TNPO1: variants seen among roughly 807,000 people sequenced by gnomAD.
The protein encoded by TNPO1 is transportin 1.
A neutral mutation model predicts 119.5 loss-of-function variants in TNPO1; 8 were observed. That is an observed-to-expected ratio of 0.07 (90% CI 0.04 to 0.12). TNPO1 has a LOEUF of 0.12. Among genes scored for constraint, TNPO1 ranks in the 10% least tolerant of loss-of-function variants. TNPO1 has a pLI of 1.00. For missense variants in TNPO1, 576 were observed against 1,089.8 expected (o/e 0.53, Z 6.64); for synonymous variants, 362 against 363.0 (o/e 1.00, Z 0.03).
chr5:72,886,634 C>G (rs1446282643), intron 11 of TNPO1, among the ~76,000 whole-genome samples: 1 of 152,078 alleles, frequency 6.6e-6, no homozygotes, highest in Non-Finnish European at 1.5e-5. Flanking sequence ...CATGGTGGCT[C>G]ACACCTGTAA....
At chr5:72,894,487 C>T (rs904706620) in intron 18 of TNPO1, among the ~76,000 whole-genome samples, 7 of 152,134 alleles carry the variant, frequency 4.6e-5, no homozygotes, top group Non-Finnish European at 8.8e-5. Context: ...CTGGCTAACA[C>T]GGTGAAACCC....
At chr5:72,852,191 T>G (rs1003534269) in intron 3 of TNPO1, among the ~76,000 whole-genome samples, 1 of 152,230 alleles carries the variant, frequency 6.6e-6, no homozygotes, top group Non-Finnish European at 1.5e-5. Flanking sequence ...TTTTCATGAC[T>G]CTTAATTTTA....
At chr5:72,828,338 A>G (rs936191147) in intron 1 of TNPO1, among the ~76,000 whole-genome samples, 2 of 152,196 alleles carry the variant, frequency 1.3e-5, no homozygotes, top group Non-Finnish European at 2.9e-5. Flanking sequence ...TAGTGGAGAA[A>G]TTTAGTTGTG....
At chr5:72,847,971 T>G (rs549046086) in intron 1 of TNPO1, 995 of 784,378 alleles carry the variant, frequency 1.3e-3, no homozygotes, top group Non-Finnish European at 1.5e-3. Flanking sequence ...TTCGCAGGGG[T>G]TTTGATAAGG....
intron 6 of TNPO1, among the ~76,000 whole-genome samples, chr5:72,870,997 T>C (rs1747353623): frequency 1.3e-5 from 2 of 152,146 alleles, no homozygotes; most frequent in South Asian, 2.1e-4. Flanking sequence ...TGAGACTGAG[T>C]CTCTCTCCAT....
intron 13 of TNPO1, among the ~76,000 whole-genome samples, chr5:72,889,272 G>A (rs1338189873): frequency 6.6e-6 from 1 of 152,032 alleles, no homozygotes; most frequent in Non-Finnish European, 1.5e-5. Context: ...TGGCCAGGCT[G>A]GTCTTGAACT....
At chr5:72,853,697 G>T in intron 3 of TNPO1, among the ~76,000 whole-genome samples, 1 of 148,848 alleles carries the variant, frequency 6.7e-6, no homozygotes, top group East Asian at 2.0e-4. Flanking sequence ...ACACAAGTTT[G>T]CTGCATGTAG....
chr5:72,848,779 G>T (rs949645061), intron 2 of TNPO1, among the ~76,000 whole-genome samples: 15 of 148,228 alleles, frequency 1.0e-4, no homozygotes, highest in African/African-American at 3.7e-4. Context: ...CCCGGCCGCC[G>T]CCCGGGATCG....
At chr5:72,878,102 A>G (rs1747939989) in intron 9 of TNPO1, among the ~76,000 whole-genome samples, 1 of 152,144 alleles carries the variant, frequency 6.6e-6, no homozygotes, top group Non-Finnish European at 1.5e-5. Flanking sequence ...CCATCATGGT[A>G]TACATAACCA....
intron 18 of TNPO1, among the ~76,000 whole-genome samples, chr5:72,894,392 C>T (rs1749271853): frequency 6.6e-6 from 1 of 152,172 alleles, no homozygotes; most frequent in Non-Finnish European, 1.5e-5. Context: ...TTTAATACAG[C>T]CGGGCACGGC....
At chr5:72,855,272 T>A (rs1220844298) in intron 3 of TNPO1, among the ~76,000 whole-genome samples, 1 of 144,350 alleles carries the variant, frequency 6.9e-6, no homozygotes, top group Non-Finnish European at 1.5e-5. Context: ...ACGCCCAGCC[T>A]TAAAAAAAAA....
At position 72,887,206 on chromosome 5, in the gene TNPO1, A is replaced by G; in HGVS notation, c.1287A>G (p.Leu429=). The change falls in exon 12 of 25, where the codon TTA becomes TTG. Residue 429 remains leucine (L), a synonymous_variant. Transcript: ENST00000337273. ...TTAAAGAATCAGGCATTTTGGTTTT[A>G]GGAGCAATTGCTGAAGGTAAGCCTA... ...WVVKESGILV[L]GAIAEGCMQG... is the part of the protein sequence containing the mutation. 1.3e-6 allele frequency: 2 copies of G among 1,559,038 alleles called. No homozygotes were observed. Among genetic ancestry groups the G allele is most frequent in the Non-Finnish European group, 8.7e-7 (1 of 1,149,942 alleles).
intron 3 of TNPO1, 84 bp from the exon 4 acceptor site, chr5:72,855,690 G>A (rs1008551442): frequency 4.3e-6 from 5 of 1,156,472 alleles, no homozygotes; most frequent in Admixed American, 5.4e-5. Flanking sequence ...ATCAACTTTT[G>A]AATATAAATG....
At chr5:72,888,326 T>C (rs774196643) in intron 13 of TNPO1, 23 bp downstream of exon 13, 3 of 1,596,560 alleles carry the variant, frequency 1.9e-6, no homozygotes, top group Admixed American at 1.7e-5. Flanking sequence ...CATAACACAG[T>C]GTTCTTTGTG....
chr5:72,896,555 G>T lies in TNPO1; in HGVS notation c.2241G>T (p.Met747Ile), dbSNP rs1183534476. 5.6e-6 allele frequency: 9 copies of T among 1,609,650 alleles called. No individual in the cohort carries two copies. Among genetic ancestry groups the T allele is most frequent in the Non-Finnish European group, 6.8e-6 (8 of 1,178,348 alleles). ...TWAIGEISIQ[M>I]GIEMQPYIPM... ...CAATTGGAGAAATCTCCATTCAAAT[G>T]GGTAAGATGTTTTTCCCTATTTAAA... Residue 747 changes from methionine (M) to isoleucine (I), a missense_variant and splice_region_variant, in exon 19 of 25, where the codon ATG (methionine) becomes ATT (isoleucine). Around this residue, in one of 6 missense-constraint regions of TNPO1, gnomAD observed 162 missense variants for 294.1 expected, o/e 0.55. Transcript: ENST00000337273.
At chr5:72,902,913 T>C (rs1384216231) in intron 22 of TNPO1, among the ~76,000 whole-genome samples, 1 of 152,186 alleles carries the variant, frequency 6.6e-6, no homozygotes, top group Non-Finnish European at 1.5e-5. Flanking sequence ...TAAATAAACA[T>C]ACACACACTG....
chr5:72,901,039 C>T lies in TNPO1; in HGVS notation c.2480C>T (p.Thr827Ile). 1 of 1,610,828 alleles carries T rather than the reference C, an allele frequency of 6.2e-7. No individual in the cohort carries two copies. Among genetic ancestry groups the T allele is most frequent in the Non-Finnish European group, 8.5e-7 (1 of 1,178,548 alleles). Residue 827 changes from threonine (T) to isoleucine (I), a missense_variant, in exon 22 of 25, where the codon ACC becomes ATC. Thr to Ile is a moderately conservative substitution (Grantham distance 89). This residue lies in a region of TNPO1 where 162 missense variants were observed against 294.1 expected (regional missense o/e 0.55). Transcript: ENST00000337273. ...EKDSAFRGICTMISVNPSGVI... is the reference protein window; with the variant it reads ...EKDSAFRGICIMISVNPSGVI... The stretch of plus-strand genomic sequence containing the variant: ...GATTCAGCATTCCGTGGAATTTGTA[C>T]CATGATCAGTGTGAATCCCAGTGGC...
intron 1 of TNPO1, among the ~76,000 whole-genome samples, chr5:72,828,320 A>T (rs1744293906): frequency 6.6e-6 from 1 of 152,202 alleles, no homozygotes; most frequent in Non-Finnish European, 1.5e-5. Context: ...GTTTCTGTGA[A>T]TGGTGGGTAG....
intron 1 of TNPO1, among the ~76,000 whole-genome samples, chr5:72,838,859 CA>C (rs1744801358): frequency 6.6e-6 from 1 of 152,114 alleles, no homozygotes; most frequent in African/African-American, 2.4e-5. Context: ...CAATTTTTGG[CA>C]AGTGACTTAA....
Sources: allele counts gnomAD v4.1 joint callset (sites outside exome capture counted in the v4.1 genomes callset), GRCh38; gene constraint gnomAD v4.1.1; regional missense constraint gnomAD v4.1.1; transcripts MANE v1.5; gene names NCBI Gene and HGNC (gene_info 2026-07-23, HGNC 2026-07-21).